SELENOT: variants seen among roughly 807,000 people sequenced by gnomAD.
SELENOT encodes the protein thioredoxin reductase-like selenoprotein T.
SELENOT carries 9 observed loss-of-function variants against 24.3 expected under a neutral mutation model. The ratio of observed to expected loss-of-function variants is 0.37; its 90% confidence interval spans 0.22 to 0.65. The LOEUF (loss-of-function observed/expected upper bound fraction) is 0.65, where lower values mean the gene tolerates loss of function less well. Among genes scored for constraint, SELENOT ranks in the 30% least tolerant of loss-of-function variants. The pLI, the probability that SELENOT is intolerant of heterozygous loss-of-function variation, is 0.60. For synonymous variants in SELENOT, 81 were observed against 86.0 expected, an observed-to-expected ratio of 0.94 and a Z score of 0.32; for missense variants, 166 against 247.6, an observed-to-expected ratio of 0.67 and a Z score of 2.21.
intron 1 of SELENOT, among the ~76,000 whole-genome samples, chr3:150,606,567 A>C (rs1479064783): frequency 1.3e-5 from 2 of 152,218 alleles, no homozygotes; most frequent in Non-Finnish European, 2.9e-5. Flanking sequence ...CACTTAACAT[A>C]GAAAAAGGAA....
At chr3:150,611,337 G>A in intron 1 of SELENOT, 1 of 1,199,182 alleles carries the variant, frequency 8.3e-7, no homozygotes, top group Non-Finnish European at 1.2e-6. Context: ...ATGTTAAGGT[G>A]TCTTTTTCAC....
chr3:150,606,884 GC>G (rs1382687374), intron 1 of SELENOT, among the ~76,000 whole-genome samples: 3 of 152,104 alleles, frequency 2.0e-5, no homozygotes, highest in African/African-American at 7.2e-5. Flanking sequence ...TTGAGCCACT[GC>G]CCCCGGCTGA....
intron 1 of SELENOT, among the ~76,000 whole-genome samples, chr3:150,619,409 G>A (rs1726291176): frequency 6.6e-6 from 1 of 151,568 alleles, no homozygotes; most frequent in Admixed American, 6.6e-5. Context: ...GGCGGCGGGC[G>A]CCTGTAATCC....
chr3:150,615,242 C>T (rs1726185459), intron 1 of SELENOT, among the ~76,000 whole-genome samples: 1 of 151,976 alleles, frequency 6.6e-6, no homozygotes, highest in Non-Finnish European at 1.5e-5. Flanking sequence ...ATATGTGCCA[C>T]ATTTTCTTAC....
intron 1 of SELENOT, among the ~76,000 whole-genome samples, chr3:150,621,298 A>C (rs933368406): frequency 1.3e-5 from 2 of 152,116 alleles, no homozygotes; most frequent in African/African-American, 4.8e-5. Context: ...GGTTTTCTTA[A>C]ATTGAGATCT....
In SELENOT at chr3:150,603,358, T is replaced by G; in HGVS notation, c.-5T>G. The G allele has an allele frequency of 6.2e-7, 1 of 1,609,752 alleles. No homozygotes were observed. The highest frequency in any genetic ancestry group is 8.5e-7 in the Non-Finnish European group (1 of 1,177,102). On this transcript the variant is annotated 5_prime_UTR_variant, in exon 1 of 6. It adds an upstream start codon to the 5' untranslated region. Coordinates refer to ENST00000471696, the MANE Select transcript of SELENOT (RefSeq NM_016275.5). Reference sequence around the variant, plus strand: ...AGGGCGGCCGAAGTGGCTGGCTCATTTAAGATGAGGCTTCTGCTGCTTCTC... The same window carrying G: ...AGGGCGGCCGAAGTGGCTGGCTCATGTAAGATGAGGCTTCTGCTGCTTCTC...
Position 150,623,124 on chromosome 3 carries a change from T to C in SELENOT, c.330T>C (p.Phe110=), listed in dbSNP as rs2108014012. The part of the protein sequence containing the change: ...IIVGKDPFAF[F]GMQAPSIWQW... ...TTGGCAAGGATCCTTTTGCTTTCTT[T>C]GGCATGCAAGCTCCTAGCATCTGGC... is the stretch of plus-strand genomic sequence containing the variant. The change falls in exon 3 of 6, where the codon TTT becomes TTC. Residue 110 remains phenylalanine (F), a synonymous_variant. Transcript: ENST00000471696. 1.2e-6 allele frequency: 2 copies of C among 1,606,720 alleles called. No individual in the cohort carries two copies. The highest frequency in any genetic ancestry group is 3.8e-4 in the Middle Eastern group (2 of 5,216).
chr3:150,620,435 G>C (rs746997471), intron 1 of SELENOT, among the ~76,000 whole-genome samples: 15 of 152,166 alleles, frequency 9.9e-5, no homozygotes, highest in Non-Finnish European at 1.2e-4. Context: ...AAATCACAAA[G>C]ACTGTGTTCT....
At chr3:150,603,589 G>T in intron 1 of SELENOT, 90 bp downstream of exon 1, 1 of 1,389,260 alleles carries the variant, frequency 7.2e-7, no homozygotes. Flanking sequence ...GGCCTAAATG[G>T]CCGCATCTTC....
In SELENOT at chr3:150,630,054, C is replaced by A. The variant is rs190160775; in HGVS notation, c.*2425C>A. On this transcript the variant is annotated 3_prime_UTR_variant, in exon 6 of 6. Coordinates refer to ENST00000471696, the MANE Select transcript of SELENOT (RefSeq NM_016275.5). ...AAAGTTGGTAAAACATGGTTTTATA[C>A]CTCAGTGTATAAGATGTGCAAGACA... 1.3e-5 allele frequency: 2 copies of A among 152,574 alleles called. No homozygotes were observed. The highest frequency in any genetic ancestry group is 1.5e-5 in the Non-Finnish European group (1 of 68,000). The allele number at this position is 152,574 out of a possible 1,614,324, so 9.5% of individuals were successfully genotyped here.
intron 4 of SELENOT, among the ~76,000 whole-genome samples, chr3:150,626,699 T>C (rs1173302562): frequency 6.6e-6 from 1 of 152,226 alleles, no homozygotes; most frequent in Non-Finnish European, 1.5e-5. Flanking sequence ...TTTTTCTTTA[T>C]CTTTTAGATC....
intron 1 of SELENOT, among the ~76,000 whole-genome samples, chr3:150,622,080 C>G (rs1576534132): frequency 6.6e-6 from 1 of 151,474 alleles, no homozygotes; most frequent in South Asian, 2.1e-4. Context: ...TTGCTGTTGT[C>G]CAACAGTAAC....
At chr3:150,612,701 C>A (rs1243179682) in intron 1 of SELENOT, among the ~76,000 whole-genome samples, 3 of 152,184 alleles carry the variant, frequency 2.0e-5, no homozygotes, top group Non-Finnish European at 2.9e-5. Flanking sequence ...GTTGGTGAGT[C>A]AGAACAGAAA....
rs1375415689 is a variant in SELENOT at position 150,611,864 on chromosome 3, G to A, written c.137+8365G>A. Reference sequence around the variant, plus strand: ...GCTGCCGCCTCCCCACTGCCCAGGCGTGAAGCCGTTCATGTCTCCGAGCTC... The same window carrying A: ...GCTGCCGCCTCCCCACTGCCCAGGCATGAAGCCGTTCATGTCTCCGAGCTC... On this transcript the variant is annotated intron_variant, in intron 1 of 5. Transcript: ENST00000471696. 7 of 984,346 alleles carry A rather than the reference G, an allele frequency of 7.1e-6. No individual in the cohort carries two copies. In the East Asian group the frequency reaches 1.0e-4, roughly 14 times the overall value. 61.0% of individuals were successfully genotyped at this position (984,346 alleles called of 1,614,324 possible).
At chr3:150,611,667 C>G (rs1002436673) in intron 1 of SELENOT, 2 of 1,601,596 alleles carry the variant, frequency 1.2e-6, no homozygotes, top group South Asian at 1.1e-5. Context: ...CTTGCTGAAG[C>G]TGGCGTTGCC....
chr3:150,626,770 C>T, intron 4 of SELENOT: 1 of 437,402 alleles, frequency 2.3e-6, no homozygotes, highest in East Asian at 3.7e-5. Flanking sequence ...TATGTCCCTC[C>T]TAGTACAGTA....
rs1182439886 is a variant in SELENOT, at chr3:150,629,371, A to T, written c.*1742A>T. On this transcript the variant is annotated 3_prime_UTR_variant, in exon 6 of 6. Coordinates refer to ENST00000471696, the MANE Select transcript of SELENOT (RefSeq NM_016275.5). Reference sequence around the variant, plus strand: ...CCTTAGAAATTGTTATTTAGGTATAATATCATCTTGTCTTTGACTAGAGCT... The same window carrying T: ...CCTTAGAAATTGTTATTTAGGTATATTATCATCTTGTCTTTGACTAGAGCT... 6.6e-6 allele frequency: 1 copy of T among 152,644 alleles called. No homozygotes were observed. Among genetic ancestry groups the T allele is most frequent in the Admixed American group, 6.5e-5 (1 of 15,282 alleles). 9.5% of individuals were successfully genotyped at this position (152,644 alleles called of 1,614,324 possible).
Position 150,630,313 on chromosome 3 carries a change from A to T in SELENOT, c.*2684A>T, listed in dbSNP as rs1726530854. 6.6e-6 allele frequency: 1 copy of T among 152,164 alleles called. No homozygotes were observed. Among genetic ancestry groups the T allele is most frequent in the African/African-American group, 2.4e-5 (1 of 41,434 alleles). The allele number at this position is 152,164 out of a possible 1,614,324, so 9.4% of individuals were successfully genotyped here. ...AAAAATAGCTTACAGGATTTTAAAC[A>T]TGGTGTGGTATTCTAAAGCCTTTTT... On this transcript the variant is annotated 3_prime_UTR_variant, in exon 6 of 6. Coordinates refer to ENST00000471696, the MANE Select transcript of SELENOT (RefSeq NM_016275.5).
Position 150,628,852 on chromosome 3 carries a change from A to C in SELENOT, c.*1223A>C, listed in dbSNP as rs1366984830. The C allele has an allele frequency of 6.6e-6, 1 of 152,222 alleles. No individual in the cohort carries two copies. The highest frequency in any genetic ancestry group is 1.5e-5 in the Non-Finnish European group (1 of 68,028). The allele number at this position is 152,222 out of a possible 1,614,324, so 9.4% of individuals were successfully genotyped here. ...ATATAGGAATAGAAGTGGTAGAGCC[A>C]AAAGTGATTTAGGAAAAGTTATAAG... On this transcript the variant is annotated 3_prime_UTR_variant, in exon 6 of 6. Transcript: ENST00000471696.
Sources: gnomAD v4.1 joint callset for allele counts (sites outside exome capture counted in the v4.1 genomes callset) on GRCh38, gnomAD v4.1.1 for gene constraint, MANE v1.5 for transcripts, NCBI Gene and HGNC (gene_info 2026-07-23, HGNC 2026-07-21) for gene names.